The following NELL1 variants were observed in gnomAD, a reference collection of about 807,000 sequenced individuals.
The protein encoded by NELL1 is protein kinase C-binding protein NELL1.
In NELL1, 76 loss-of-function variants were observed where a neutral mutation model predicts 107.4. That is an observed-to-expected ratio of 0.71 (90% confidence interval 0.59 to 0.86). The LOEUF (loss-of-function observed/expected upper bound fraction) is 0.86, where lower values mean the gene tolerates loss of function less well. Among genes scored for constraint, NELL1 ranks in the 40% least tolerant of loss-of-function variants. The pLI is 0.00. For synonymous variants in NELL1, 353 were observed against 341.2 expected (o/e 1.03, Z -0.38); for missense variants, 1,024 against 1,005.5 (o/e 1.02, Z -0.25).
chr11:21,069,614 C>T (rs1254436568), intron 12 of NELL1, among the ~76,000 whole-genome samples: 1 of 152,176 alleles, frequency 6.6e-6, no homozygotes, highest in African/African-American at 2.4e-5. Flanking sequence ...TAAAGCTACT[C>T]TTCCATACAA....
At chr11:21,158,377 A>G (rs1856291722) in intron 13 of NELL1, among the ~76,000 whole-genome samples, 1 of 152,192 alleles carries the variant, frequency 6.6e-6, no homozygotes. Flanking sequence ...CTATCCTATT[A>G]GTCCTGTCTC....
At chr11:21,422,637 A>T (rs1013599434) in intron 15 of NELL1, among the ~76,000 whole-genome samples, 1 of 152,192 alleles carries the variant, frequency 6.6e-6, no homozygotes, top group Non-Finnish European at 1.5e-5. Flanking sequence ...CTAAAAGTTT[A>T]GGATGTTAAA....
At chr11:21,433,027 T>C (rs1184294522) in intron 15 of NELL1, among the ~76,000 whole-genome samples, 1 of 152,130 alleles carries the variant, frequency 6.6e-6, no homozygotes, top group African/African-American at 2.4e-5. Context: ...CTCTTCCCTT[T>C]CCCAGCCTAT....
intron 12 of NELL1, among the ~76,000 whole-genome samples, chr11:21,083,023 C>T (rs537902971): frequency 1.4e-4 from 22 of 152,270 alleles, no homozygotes; most frequent in African/African-American, 3.1e-4. Flanking sequence ...CTAGAGCCTG[C>T]GGCTTGAATA....
intron 2 of NELL1, among the ~76,000 whole-genome samples, chr11:20,734,606 C>T (rs371597201): frequency 1.1e-3 from 166 of 152,160 alleles, no homozygotes; most frequent in African/African-American, 3.9e-3. Context: ...TGTGGTATTA[C>T]CATTGGAAAG....
At chr11:21,162,342 G>A (rs1386495802) in intron 13 of NELL1, among the ~76,000 whole-genome samples, 5 of 152,078 alleles carry the variant, frequency 3.3e-5, no homozygotes, top group Non-Finnish European at 7.4e-5. Flanking sequence ...GGTGGAGAGA[G>A]GATGCAGCTA....
chr11:21,468,532 G>A lies in NELL1; in HGVS notation c.1646-65842G>A, dbSNP rs148728160. 6.4e-3 allele frequency among the ~76,000 whole-genome samples: 980 copies of A among 152,088 alleles called. 8 individuals carry two copies. Among genetic ancestry groups the A allele is most frequent in the Middle Eastern group, 0.017 (5 of 294 alleles). Reference sequence around the variant, plus strand: ...TACCTCTATTGTTAAAAAAAGGTATGAGCATGCCTTGCCCAATCTCCAATT... The same window carrying A: ...TACCTCTATTGTTAAAAAAAGGTATAAGCATGCCTTGCCCAATCTCCAATT... On this transcript the variant is annotated intron_variant, in intron 15 of 19. Transcript: ENST00000357134.
intron 4 of NELL1, among the ~76,000 whole-genome samples, chr11:20,861,162 T>C (rs1017354979): frequency 6.6e-6 from 1 of 152,218 alleles, no homozygotes; most frequent in African/African-American, 2.4e-5. Context: ...ACAATACCCA[T>C]TGCCCTGCCC....
intron 13 of NELL1, among the ~76,000 whole-genome samples, chr11:21,141,244 G>T (rs1855860014): frequency 6.6e-6 from 1 of 152,116 alleles, no homozygotes; most frequent in African/African-American, 2.4e-5. Flanking sequence ...AATATTAAAA[G>T]AAAGAATCTC....
At chr11:21,037,938 G>T (rs1021152311) in intron 12 of NELL1, among the ~76,000 whole-genome samples, 2 of 152,076 alleles carry the variant, frequency 1.3e-5, no homozygotes, top group South Asian at 2.1e-4. Flanking sequence ...GACAGGTATT[G>T]GTAGATTTTC....
At chr11:20,694,040 C>T (rs553734870) in intron 2 of NELL1, among the ~76,000 whole-genome samples, 1 of 152,238 alleles carries the variant, frequency 6.6e-6, no homozygotes, top group Admixed American at 6.5e-5. Flanking sequence ...TTCGTTTCAT[C>T]TTCCATCACT....
At chr11:21,223,060 C>T (rs546898108) in intron 13 of NELL1, among the ~76,000 whole-genome samples, 1 of 152,056 alleles carries the variant, frequency 6.6e-6, no homozygotes, top group East Asian at 1.9e-4. Context: ...GTCTATTTGG[C>T]CTAAAGTCCA....
intron 12 of NELL1, among the ~76,000 whole-genome samples, chr11:21,041,965 C>G (rs1006289249): frequency 6.6e-6 from 1 of 152,194 alleles, no homozygotes; most frequent in African/African-American, 2.4e-5. Context: ...GTGTGCACCG[C>G]CACATGTGGC....
At chr11:21,521,036 G>A (rs1218205453) in intron 15 of NELL1, among the ~76,000 whole-genome samples, 1 of 152,218 alleles carries the variant, frequency 6.6e-6, no homozygotes, top group Non-Finnish European at 1.5e-5. Flanking sequence ...GGTAGGACCA[G>A]ATGTAGGGTA....
intron 13 of NELL1, among the ~76,000 whole-genome samples, chr11:21,221,480 A>G (rs1857755262): frequency 6.6e-6 from 1 of 152,182 alleles, no homozygotes; most frequent in Non-Finnish European, 1.5e-5. Flanking sequence ...TAAAAGTTTG[A>G]TAGAATTCAT....
intron 13 of NELL1, among the ~76,000 whole-genome samples, chr11:21,161,481 G>T (rs573522112): frequency 6.2e-4 from 95 of 152,272 alleles, no homozygotes; most frequent in Middle Eastern, 3.4e-3. Flanking sequence ...AGGTTTCAGT[G>T]AGCCGAGATC....
At chr11:21,242,556 A>G (rs1858390803) in intron 14 of NELL1, among the ~76,000 whole-genome samples, 1 of 152,136 alleles carries the variant, frequency 6.6e-6, no homozygotes, top group Admixed American at 6.6e-5. Context: ...TGCTACATGA[A>G]TAAAATTAGC....
At chr11:20,825,640 C>A (rs1215857195) in intron 3 of NELL1, among the ~76,000 whole-genome samples, 3 of 151,324 alleles carry the variant, frequency 2.0e-5, no homozygotes, top group African/African-American at 7.3e-5. Flanking sequence ...TAAGCCAATA[C>A]CTGTACCTCC....
At chr11:21,144,149 T>C (rs1855924715) in intron 13 of NELL1, among the ~76,000 whole-genome samples, 1 of 152,144 alleles carries the variant, frequency 6.6e-6, no homozygotes, top group South Asian at 2.1e-4. Context: ...GGTGTTAGTT[T>C]AGAAAATGGG....
Sources: gnomAD v4.1 joint callset for allele counts (sites outside exome capture counted in the v4.1 genomes callset) on GRCh38, gnomAD v4.1.1 for gene constraint, MANE v1.5 for transcripts, NCBI Gene and HGNC (gene_info 2026-07-23, HGNC 2026-07-21) for gene names.